CDK19: variants seen among roughly 807,000 people sequenced by gnomAD.
The protein encoded by CDK19 is cyclin-dependent kinase 19.
Under a neutral mutation model 68.3 loss-of-function variants are expected in CDK19, and 20 were observed. The ratio of observed to expected loss-of-function variants is 0.29; its 90% CI spans 0.21 to 0.43. The LOEUF (loss-of-function observed/expected upper bound fraction) is 0.43. Ranked by LOEUF, CDK19 falls within the 20% of genes least tolerant of loss-of-function variation. CDK19 has a pLI of 1.00. For missense variants in CDK19, 339 were observed against 623.5 expected (o/e 0.54, Z 4.86); for synonymous variants, 221 against 222.8 (o/e 0.99, Z 0.07).
intron 6 of CDK19, among the ~76,000 whole-genome samples, chr6:110,628,858 A>G (rs1380856315): frequency 2.0e-5 from 3 of 152,178 alleles, no homozygotes; most frequent in African/African-American, 7.2e-5. Context: ...CCATTTTTTA[A>G]TTACACCATT....
chr6:110,685,929 A>C (rs1772439066), intron 2 of CDK19, among the ~76,000 whole-genome samples: 1 of 152,146 alleles, frequency 6.6e-6, no homozygotes, highest in Admixed American at 6.5e-5. Flanking sequence ...TATGGCCTTT[A>C]CCTTCAGGAT....
chr6:110,686,931 G>T (rs1404135104), intron 2 of CDK19, among the ~76,000 whole-genome samples: 1 of 152,140 alleles, frequency 6.6e-6, no homozygotes, highest in Admixed American at 6.6e-5. Context: ...AGGTGCGGTG[G>T]CTCGTGCCTG....
rs60624969 is a variant in CDK19 at position 110,648,538 on chromosome 6, C to CTTTTTTTTTTTTTTTT, written c.457-9848_457-9833dup. On this transcript the variant is annotated intron_variant, in intron 4 of 12. Coordinates refer to ENST00000368911, the MANE Select transcript of CDK19 (RefSeq NM_015076.5). ...AACACCATGAAATCTTTTTTCTTTT[C>CTTTTTTTTTTTTTTTT]TTTTTTTTTTTTTTTTTTTTGAGAA... 1.1e-4 allele frequency among the ~76,000 whole-genome samples: 13 copies of CTTTTTTTTTTTTTTTT among 120,230 alleles called. 1 individual carries two copies. The highest frequency in any genetic ancestry group is 7.9e-4 in the East Asian group (3 of 3,802). 78.9% of individuals were successfully genotyped at this position (120,230 alleles called of 152,430 possible).
intron 2 of CDK19, among the ~76,000 whole-genome samples, chr6:110,728,667 A>AG (rs1296387757): frequency 6.6e-6 from 1 of 151,992 alleles, no homozygotes; most frequent in African/African-American, 2.4e-5. Context: ...TGGCCCTGTT[A>AG]GGGGGTCTTC....
At position 110,696,962 on chromosome 6, in the gene CDK19, G is replaced by A. The variant is rs368892769; in HGVS notation, c.205-26421C>T. On this transcript the variant is annotated intron_variant, in intron 2 of 12. Coordinates refer to ENST00000368911, the MANE Select transcript of CDK19 (RefSeq NM_015076.5). ...TAATCCCAGCTACTCGAGAGGCTGAGGCAGGAGAATTGCTTGAATCCAGGA... is the reference window on the plus strand; with the variant it reads ...TAATCCCAGCTACTCGAGAGGCTGAAGCAGGAGAATTGCTTGAATCCAGGA... Among the ~76,000 whole-genome samples the A allele has an allele frequency of 1.2e-4, 18 of 152,192 alleles. No individual in the cohort carries two copies. The South Asian group carries it at 1.9e-3, about 16-fold the overall frequency.
intron 2 of CDK19, among the ~76,000 whole-genome samples, chr6:110,734,519 T>TTCTCTCTCTCTCTCTCTCTCTCTC (rs1491136249): frequency 5.2e-5 from 1 of 19,296 alleles, no homozygotes. Context: ...GGGTGAGCAC[T>TTCTCTCTCTCTCTCTCTCTCTCTC]GCTCTCTCTC....
Position 110,613,542 on chromosome 6 carries a change from C to T in CDK19, c.*993G>A, listed in dbSNP as rs1034247723. The stretch of plus-strand genomic sequence containing the variant: ...CTTGATTATGCAAGAAAGTTACTCA[C>T]GCAGACCCAGATGTGAAGAAACCAA... On this transcript the variant is annotated 3_prime_UTR_variant, in exon 13 of 13. Coordinates refer to ENST00000368911, the MANE Select transcript of CDK19 (RefSeq NM_015076.5). 1 of 152,552 alleles carries T rather than the reference C, an allele frequency of 6.6e-6. No homozygotes were observed. The highest frequency in any genetic ancestry group is 2.4e-5 in the African/African-American group (1 of 41,426). 9.4% of individuals were successfully genotyped at this position (152,552 alleles called of 1,614,324 possible). A position where few individuals can be genotyped will look rare whatever the true frequency, so the allele number is the denominator to read the frequency against.
chr6:110,801,657 G>A (rs895372518), intron 1 of CDK19, among the ~76,000 whole-genome samples: 5 of 151,986 alleles, frequency 3.3e-5, no homozygotes, highest in African/African-American at 1.2e-4. Context: ...GACTACAGGT[G>A]CCCACCACTG....
intron 4 of CDK19, among the ~76,000 whole-genome samples, chr6:110,656,819 T>C (rs1000752548): frequency 6.6e-6 from 1 of 152,238 alleles, no homozygotes; most frequent in African/African-American, 2.4e-5. Flanking sequence ...AATACATGTA[T>C]GTAGAAGGCT....
chr6:110,702,747 T>A (rs1203299869), intron 2 of CDK19, among the ~76,000 whole-genome samples: 1 of 152,176 alleles, frequency 6.6e-6, no homozygotes, highest in African/African-American at 2.4e-5. Context: ...GAAAAGAATA[T>A]ATATATCTAT....
intron 1 of CDK19, among the ~76,000 whole-genome samples, chr6:110,771,757 G>A (rs1231185412): frequency 2.0e-5 from 3 of 152,086 alleles, no homozygotes; most frequent in Non-Finnish European, 2.9e-5. Flanking sequence ...GTCACCTCTC[G>A]AATGCTTTGC....
At chr6:110,618,052 T>C (rs1447799760) in intron 12 of CDK19, among the ~76,000 whole-genome samples, 1 of 151,898 alleles carries the variant, frequency 6.6e-6, no homozygotes, top group Non-Finnish European at 1.5e-5. Context: ...TCCCCCTTTT[T>C]CCAGGAATTT....
intron 1 of CDK19, among the ~76,000 whole-genome samples, chr6:110,754,724 C>A (rs750342606): frequency 6.6e-6 from 1 of 152,138 alleles, no homozygotes; most frequent in South Asian, 2.1e-4. Flanking sequence ...TCGTGATGCA[C>A]CCGCCTTGGC....
intron 2 of CDK19, among the ~76,000 whole-genome samples, chr6:110,729,804 G>C: frequency 6.6e-6 from 1 of 152,022 alleles, no homozygotes; most frequent in African/African-American, 2.4e-5. Context: ...CTATTCACAA[G>C]CACAAATGTA....
At chr6:110,811,641 T>C (rs1783108422) in intron 1 of CDK19, among the ~76,000 whole-genome samples, 1 of 152,242 alleles carries the variant, frequency 6.6e-6, no homozygotes, top group Non-Finnish European at 1.5e-5. Flanking sequence ...TAACCATAAA[T>C]TGTCATGTGC....
chr6:110,705,734 T>A (rs1278458785), intron 2 of CDK19, among the ~76,000 whole-genome samples: 1 of 152,136 alleles, frequency 6.6e-6, no homozygotes, highest in Non-Finnish European at 1.5e-5. Flanking sequence ...AAGAGAAATA[T>A]CTCAGCAAAT....
intron 4 of CDK19, among the ~76,000 whole-genome samples, chr6:110,642,915 T>C (rs939502997): frequency 2.0e-5 from 3 of 151,902 alleles, no homozygotes; most frequent in African/African-American, 7.3e-5. Flanking sequence ...AAAGGAAATA[T>C]TCCTTGAAGC....
chr6:110,678,407 C>T lies in CDK19; in HGVS notation c.205-7866G>A, dbSNP rs541982992. Among the ~76,000 whole-genome samples the T allele has an allele frequency of 5.3e-5, 8 of 152,240 alleles. No individual in the cohort carries two copies. In the East Asian group the frequency reaches 7.7e-4, roughly 15 times the overall value. On this transcript the variant is annotated intron_variant, in intron 2 of 12. Coordinates refer to ENST00000368911, the MANE Select transcript of CDK19 (RefSeq NM_015076.5). ...CTCTCTACCTCCACTACCCTCTATTCCAGTACCTCCAGTACCTCTATTCCC... is the reference window on the plus strand; with the variant it reads ...CTCTCTACCTCCACTACCCTCTATTTCAGTACCTCCAGTACCTCTATTCCC...
intron 2 of CDK19, among the ~76,000 whole-genome samples, chr6:110,709,038 T>C (rs1283868008): frequency 2.0e-5 from 3 of 152,176 alleles, no homozygotes; most frequent in African/African-American, 7.2e-5. Context: ...CGCAAATCAA[T>C]AAATGTAATC....
Sources: allele counts gnomAD v4.1 joint callset (sites outside exome capture counted in the v4.1 genomes callset), GRCh38; gene constraint gnomAD v4.1.1; transcripts MANE v1.5; gene names NCBI Gene and HGNC (gene_info 2026-07-23, HGNC 2026-07-21).